CSMD1: variants seen among roughly 807,000 people sequenced by gnomAD.
CSMD1 encodes CUB and Sushi multiple domains 1, also known as CUB and sushi domain-containing protein 1.
CSMD1 carries 213 observed loss-of-function variants against 417.5 expected under a neutral mutation model. That is an observed-to-expected ratio of 0.51 (90% confidence interval 0.46 to 0.57). CSMD1 has a LOEUF of 0.57. Among genes scored for constraint, CSMD1 ranks in the 20% least tolerant of loss-of-function variants. The pLI, the probability that CSMD1 is intolerant of heterozygous loss-of-function variation, is 0.00. For missense variants in CSMD1, 6,923 were observed against 4,529.7 expected, an observed-to-expected ratio of 1.53 and a Z score of -15.17; for synonymous variants, 2,862 against 1,736.8, an observed-to-expected ratio of 1.65 and a Z score of -16.11.
At chr8:4,666,962 A>C (rs796074041) in intron 1 of CSMD1, among the ~76,000 whole-genome samples, 1 of 152,126 alleles carries the variant, frequency 6.6e-6, no homozygotes, top group East Asian at 1.9e-4. Context: ...TAAAATTTTT[A>C]TGTAATTTTT....
At chr8:3,762,480 C>T (rs1394928820) in intron 5 of CSMD1, among the ~76,000 whole-genome samples, 1 of 152,216 alleles carries the variant, frequency 6.6e-6, no homozygotes, top group Non-Finnish European at 1.5e-5. Context: ...AGGCACATGG[C>T]TGTGCTTTGG....
chr8:2,993,469 G>C (rs150351245), intron 54 of CSMD1, among the ~76,000 whole-genome samples: 4 of 152,316 alleles, frequency 2.6e-5, no homozygotes, highest in South Asian at 2.1e-4. Context: ...CACTGAGGCA[G>C]AGGCAAAGCA....
intron 5 of CSMD1, among the ~76,000 whole-genome samples, chr8:3,974,337 G>A (rs752689391): frequency 6.6e-6 from 1 of 151,574 alleles, no homozygotes; most frequent in Non-Finnish European, 1.5e-5. Flanking sequence ...AGCACTGTTT[G>A]AGTAGTTGAA....
chr8:4,419,803 C>G, intron 3 of CSMD1, 150 bp downstream of exon 3: 4 of 503,728 alleles, frequency 7.9e-6, no homozygotes, highest in South Asian at 2.6e-5. Context: ...ACAGTGTTAC[C>G]AAATGCCATT....
At chr8:4,750,672 A>T (rs1332235209) in intron 1 of CSMD1, among the ~76,000 whole-genome samples, 1 of 152,180 alleles carries the variant, frequency 6.6e-6, no homozygotes, top group African/African-American at 2.4e-5. Flanking sequence ...AGTTTATTAC[A>T]AATTCATTGT....
intron 1 of CSMD1, among the ~76,000 whole-genome samples, chr8:4,963,784 G>A (rs894873596): frequency 1.3e-5 from 2 of 152,098 alleles, no homozygotes; most frequent in African/African-American, 2.4e-5. Context: ...TCATGGCAAC[G>A]TCAAAATGGT....
intron 22 of CSMD1, among the ~76,000 whole-genome samples, chr8:3,347,257 G>A (rs1347318045): frequency 6.6e-6 from 1 of 152,188 alleles, no homozygotes; most frequent in Non-Finnish European, 1.5e-5. Flanking sequence ...AGGCTAGGTT[G>A]CCCATTCTCC....
intron 7 of CSMD1, among the ~76,000 whole-genome samples, chr8:3,670,087 G>T (rs566300470): frequency 2.6e-4 from 39 of 152,244 alleles, no homozygotes; most frequent in Middle Eastern, 3.4e-3. Flanking sequence ...CAACTTGATT[G>T]GATTAAAGGA....
At chr8:4,240,950 T>C (rs114892932) in intron 3 of CSMD1, among the ~76,000 whole-genome samples, 78 of 152,308 alleles carry the variant, frequency 5.1e-4, no homozygotes, top group African/African-American at 1.9e-3. Context: ...CTGACAATTA[T>C]ACCTTCTAAA....
intron 4 of CSMD1, among the ~76,000 whole-genome samples, chr8:4,031,587 A>G (rs1210924785): frequency 6.6e-6 from 1 of 152,206 alleles, no homozygotes; most frequent in African/African-American, 2.4e-5. Context: ...AAATCATATC[A>G]GAAGTCATAA....
intron 1 of CSMD1, among the ~76,000 whole-genome samples, chr8:4,801,705 C>G (rs540572963): frequency 1.3e-5 from 2 of 151,918 alleles, no homozygotes; most frequent in South Asian, 2.1e-4. Flanking sequence ...ACAAGGCAGC[C>G]TAAACTACCC....
intron 41 of CSMD1, among the ~76,000 whole-genome samples, chr8:3,129,434 G>A (rs945514762): frequency 6.6e-6 from 1 of 152,102 alleles, no homozygotes; most frequent in African/African-American, 2.4e-5. Flanking sequence ...ACATAGACAT[G>A]GCCTTAATAA....
At chr8:4,010,961 G>T (rs906170505) in intron 4 of CSMD1, among the ~76,000 whole-genome samples, 1 of 152,078 alleles carries the variant, frequency 6.6e-6, no homozygotes, top group African/African-American at 2.4e-5. Flanking sequence ...CAGCAATCCC[G>T]CTTCACTTTC....
At chr8:4,935,591 T>C (rs1807560260) in intron 1 of CSMD1, among the ~76,000 whole-genome samples, 1 of 152,228 alleles carries the variant, frequency 6.6e-6, no homozygotes, top group Non-Finnish European at 1.5e-5. Context: ...AAAAAGTCTA[T>C]AAGCCTATTT....
At chr8:3,828,591 C>T (rs1164033445) in intron 5 of CSMD1, among the ~76,000 whole-genome samples, 1 of 152,202 alleles carries the variant, frequency 6.6e-6, no homozygotes, top group East Asian at 1.9e-4. Context: ...GCAAAGCATT[C>T]GACAATTTTC....
At chr8:4,496,827 GT>G (rs1802002466) in intron 2 of CSMD1, among the ~76,000 whole-genome samples, 1 of 152,150 alleles carries the variant, frequency 6.6e-6, no homozygotes, top group Non-Finnish European at 1.5e-5. Context: ...GGTAATCAAG[GT>G]TTAGAAAAAT....
intron 3 of CSMD1, among the ~76,000 whole-genome samples, chr8:4,214,651 T>C (rs779140377): frequency 6.6e-6 from 1 of 152,098 alleles, no homozygotes; most frequent in Non-Finnish European, 1.5e-5. Context: ...CATGCACGTG[T>C]ATGTGTGTGT....
At chr8:4,209,976 G>C (rs568627618) in intron 3 of CSMD1, among the ~76,000 whole-genome samples, 2 of 152,306 alleles carry the variant, frequency 1.3e-5, no homozygotes, top group East Asian at 3.9e-4. Flanking sequence ...ACTGGAGGAG[G>C]TGTCTTATGA....
chr8:3,573,958 T>A (rs1191414892), intron 10 of CSMD1, among the ~76,000 whole-genome samples: 1 of 152,088 alleles, frequency 6.6e-6, no homozygotes, highest in African/African-American at 2.4e-5. Flanking sequence ...TATATTGAAC[T>A]TAAAAGGAGT....
Sources: gnomAD v4.1 joint callset for allele counts (sites outside exome capture counted in the v4.1 genomes callset) on GRCh38, gnomAD v4.1.1 for gene constraint, MANE v1.5 for transcripts, NCBI Gene and HGNC (gene_info 2026-07-23, HGNC 2026-07-21) for gene names.